The following CSMD1 variants were observed in gnomAD, a reference collection of about 807,000 sequenced individuals.
CSMD1 encodes CUB and Sushi multiple domains 1.
CSMD1 carries 213 observed loss-of-function variants against 417.5 expected under a neutral mutation model. The observed-to-expected ratio is 0.51, with a 90% confidence interval of 0.46 to 0.57. CSMD1 has a LOEUF of 0.57. CSMD1 is among the 20% of genes least tolerant of loss of function. The pLI is 0.00. For missense variants in CSMD1, 6,923 were observed against 4,529.7 expected (o/e 1.53, Z -15.17); for synonymous variants, 2,862 against 1,736.8 (o/e 1.65, Z -16.11).
chr8:4,933,010 T>C (rs1466522751), intron 1 of CSMD1, among the ~76,000 whole-genome samples: 1 of 152,204 alleles, frequency 6.6e-6, no homozygotes, highest in Non-Finnish European at 1.5e-5. Context: ...TAAACATTTC[T>C]CTTTGCTGAT....
chr8:4,381,819 T>C (rs766370479), intron 3 of CSMD1, among the ~76,000 whole-genome samples: 7 of 152,220 alleles, frequency 4.6e-5, no homozygotes, highest in Non-Finnish European at 1.0e-4. Flanking sequence ...TAGTTTCATC[T>C]TTTCTATCTC....
At chr8:4,427,045 G>T (rs753414408) in intron 2 of CSMD1, among the ~76,000 whole-genome samples, 1 of 151,990 alleles carries the variant, frequency 6.6e-6, no homozygotes, top group South Asian at 2.1e-4. Flanking sequence ...TGGTGTAGAC[G>T]GAACAGCCCC....
At chr8:3,634,781 C>T (rs1338846045) in intron 7 of CSMD1, among the ~76,000 whole-genome samples, 1 of 152,140 alleles carries the variant, frequency 6.6e-6, no homozygotes, top group African/African-American at 2.4e-5. Flanking sequence ...TTAGTGAATA[C>T]AGCCATGCAT....
chr8:4,228,365 T>C (rs982771381), intron 3 of CSMD1, among the ~76,000 whole-genome samples: 1 of 152,162 alleles, frequency 6.6e-6, no homozygotes, highest in African/African-American at 2.4e-5. Flanking sequence ...TTTCCAGTTT[T>C]CCTCTGAAAC....
intron 6 of CSMD1, among the ~76,000 whole-genome samples, chr8:3,728,572 G>A (rs1441061096): frequency 6.6e-6 from 1 of 152,154 alleles, no homozygotes; most frequent in Non-Finnish European, 1.5e-5. Flanking sequence ...GCCTTTCAGT[G>A]GTGTGACTGA....
intron 3 of CSMD1, among the ~76,000 whole-genome samples, chr8:4,259,326 A>G (rs1227515256): frequency 1.3e-5 from 2 of 152,130 alleles, no homozygotes; most frequent in Admixed American, 1.3e-4. Flanking sequence ...CTCCCTCTTC[A>G]GGAAAATCAC....
At chr8:4,773,139 T>G (rs1796681654) in intron 1 of CSMD1, among the ~76,000 whole-genome samples, 1 of 152,180 alleles carries the variant, frequency 6.6e-6, no homozygotes, top group Non-Finnish European at 1.5e-5. Flanking sequence ...TGTCCCTAAT[T>G]AAAAATAAAG....
At chr8:3,425,501 C>T (rs1358544886) in intron 12 of CSMD1, among the ~76,000 whole-genome samples, 8 of 150,860 alleles carry the variant, frequency 5.3e-5, no homozygotes, top group African/African-American at 2.0e-4. Flanking sequence ...GGCAGGAGAA[C>T]CGCTTGAACC....
chr8:3,326,800 G>C (rs1192805110), intron 23 of CSMD1, among the ~76,000 whole-genome samples: 1 of 152,078 alleles, frequency 6.6e-6, no homozygotes, highest in Non-Finnish European at 1.5e-5. Flanking sequence ...TATTTTATAG[G>C]CTTTCTTTTC....
intron 22 of CSMD1, among the ~76,000 whole-genome samples, chr8:3,346,692 G>C (rs156079): frequency 0.44 from 66,281 of 152,080 alleles, 14,602 homozygotes; most frequent in East Asian, 0.48. Context: ...CCCGGCGGGG[G>C]CTCCATTCCA....
chr8:4,590,370 T>G lies in CSMD1; in HGVS notation c.302+46972A>C, dbSNP rs143730156. Among the ~76,000 whole-genome samples the G allele has an allele frequency of 3.9e-4, 60 of 152,280 alleles. No homozygotes were observed. In the East Asian group the frequency reaches 0.011, roughly 27 times the overall value. ...ACATTAAATTCTAAAACATACATGC[T>G]CAATCAACATGCGAAGATACTGAAA... On this transcript the variant is annotated intron_variant, in intron 2 of 69. Coordinates refer to ENST00000635120, the MANE Select transcript of CSMD1 (RefSeq NM_033225.6).
intron 1 of CSMD1, among the ~76,000 whole-genome samples, chr8:4,676,791 C>T (rs1056596871): frequency 1.2e-4 from 18 of 151,724 alleles, no homozygotes; most frequent in East Asian, 3.9e-4. Flanking sequence ...TTCTCTTCAG[C>T]GAGTTGCTCA....
intron 7 of CSMD1, among the ~76,000 whole-genome samples, chr8:3,691,710 A>C (rs914340689): frequency 6.6e-6 from 1 of 152,180 alleles, no homozygotes; most frequent in Non-Finnish European, 1.5e-5. Flanking sequence ...ATAAAACCCT[A>C]TAAGGTAAAT....
In CSMD1 at chr8:4,266,935, A is replaced by G. The variant is rs189756145; in HGVS notation, c.415+153018T>C. ...TAATAAAAACCAAATGACATTTAGTAAAATATCTATTATTGAATAAAATTA... is the reference window on the plus strand; with the variant it reads ...TAATAAAAACCAAATGACATTTAGTGAAATATCTATTATTGAATAAAATTA... On this transcript the variant is annotated intron_variant, in intron 3 of 69. Coordinates refer to ENST00000635120, the MANE Select transcript of CSMD1 (RefSeq NM_033225.6). Among the ~76,000 whole-genome samples, 79 of 104,308 alleles carry G rather than the reference A, an allele frequency of 7.6e-4. 22 individuals are homozygous for G. Among genetic ancestry groups the G allele is most frequent in the Admixed American group, 7.2e-3 (79 of 10,990 alleles). The allele number at this position is 104,308 out of a possible 152,430, so 68.4% of individuals were successfully genotyped here. A position where few individuals can be genotyped will look rare whatever the true frequency, so the allele number is the denominator to read the frequency against.
At chr8:3,853,643 T>G (rs1173479499) in intron 5 of CSMD1, among the ~76,000 whole-genome samples, 1 of 151,928 alleles carries the variant, frequency 6.6e-6, no homozygotes, top group Non-Finnish European at 1.5e-5. Flanking sequence ...TGAGCAATGC[T>G]CCTCCGAAGG....
chr8:4,202,529 A>C (rs1350534853), intron 3 of CSMD1, among the ~76,000 whole-genome samples: 1 of 152,204 alleles, frequency 6.6e-6, no homozygotes, highest in East Asian at 1.9e-4. Context: ...AAAAATTTAA[A>C]ACTCTATTTG....
At chr8:4,787,880 T>C (rs1031843072) in intron 1 of CSMD1, 2 of 1,577,532 alleles carry the variant, frequency 1.3e-6, no homozygotes, top group Admixed American at 1.7e-5. Flanking sequence ...CTGGTTGATA[T>C]GAAGATTGAA....
intron 3 of CSMD1, among the ~76,000 whole-genome samples, chr8:4,391,532 G>T (rs965861142): frequency 6.6e-6 from 1 of 152,060 alleles, no homozygotes; most frequent in Non-Finnish European, 1.5e-5. Context: ...CACAACCACT[G>T]CATCAACCAG....
intron 3 of CSMD1, among the ~76,000 whole-genome samples, chr8:4,273,705 G>T (rs978985090): frequency 1.3e-5 from 2 of 152,168 alleles, no homozygotes; most frequent in Admixed American, 6.6e-5. Context: ...CGAATATTCA[G>T]TTAAAAGGAT....
Sources: allele counts gnomAD v4.1 joint callset (sites outside exome capture counted in the v4.1 genomes callset), GRCh38; gene constraint gnomAD v4.1.1; transcripts MANE v1.5; gene names NCBI Gene and HGNC (gene_info 2026-07-23, HGNC 2026-07-21).